The following SLC1A6 variants were observed in gnomAD, a reference collection of about 807,000 sequenced individuals.
The protein encoded by SLC1A6 is excitatory amino acid transporter 4.
In SLC1A6, 15 loss-of-function variants were observed where a neutral mutation model predicts 42.1. The observed-to-expected ratio is 0.36, with a 90% CI of 0.24 to 0.55. SLC1A6 has a LOEUF of 0.55. SLC1A6 is among the 20% of genes least tolerant of loss of function. The probability of loss-of-function intolerance (pLI) is 0.88; values close to 1 mark genes in which losing one functional copy is unlikely to be tolerated. For missense variants in SLC1A6, 542 were observed against 772.5 expected, an observed-to-expected ratio of 0.70 and a Z score of 3.54; for synonymous variants, 317 against 319.7, an observed-to-expected ratio of 0.99 and a Z score of 0.09.
chr19:14,977,133 G>A (rs1176961684), intron 1 of SLC1A6: 1 of 151,992 alleles, frequency 6.6e-6, no homozygotes. Flanking sequence ...GCCACAGCAG[G>A]AAGTTGCCTG....
chr19:14,952,362 C>T (rs1212269907), intron 9 of SLC1A6, among the ~76,000 whole-genome samples: 1 of 151,446 alleles, frequency 6.6e-6, no homozygotes, highest in Non-Finnish European at 1.5e-5. Context: ...TCCTGGCTAA[C>T]ATGGTGAAAC....
upstream of SLC1A6, among the ~76,000 whole-genome samples, chr19:14,980,654 C>CAAAAAAAAAAAAA (rs35361239): frequency 1.6e-5 from 2 of 125,406 alleles, no homozygotes; most frequent in Admixed American, 8.1e-5. Flanking sequence ...GAGACTCCGT[C>CAAAAAAAAAAAAA]AAAAAAAAAA....
intron 1 of SLC1A6, among the ~76,000 whole-genome samples, chr19:15,010,201 AGAAAGAAAAAAGAAAGAGAGAGAG>A (rs771671794): frequency 0.021 from 1,795 of 85,738 alleles, 45 homozygotes; most frequent in Admixed American, 0.1. Context: ...AAAAAAAGAA[AGAAAGAAAAAAGAAAGAGAGAGAG>A]AGAAAAGAAA....
intron 5 of SLC1A6, 22 bp downstream of exon 5, chr19:14,964,297 A>G: frequency 6.2e-7 from 1 of 1,610,330 alleles, no homozygotes; most frequent in Non-Finnish European, 8.5e-7. Flanking sequence ...CTCCTTGATC[A>G]AACTGTGTAC....
intron 9 of SLC1A6, among the ~76,000 whole-genome samples, chr19:14,950,874 C>T (rs539975172): frequency 6.6e-6 from 1 of 151,052 alleles, no homozygotes; most frequent in East Asian, 2.0e-4. Context: ...GAGCCCAGAA[C>T]GTCAAGGCTG....
chr19:14,992,971 A>G (rs1462046072), intron 1 of SLC1A6, among the ~76,000 whole-genome samples: 1 of 152,160 alleles, frequency 6.6e-6, no homozygotes, highest in Non-Finnish European at 1.5e-5. Flanking sequence ...AGAGTCATTA[A>G]AGGAGAGGGA....
chr19:14,961,973 C>T, intron 6 of SLC1A6, 29 bp downstream of exon 6: 4 of 1,577,412 alleles, frequency 2.5e-6, no homozygotes, highest in East Asian at 4.5e-5. Flanking sequence ...TCTGGCTCCA[C>T]CATCCCGTGG....
intron 8 of SLC1A6, 81 bp downstream of exon 8, chr19:14,954,054 T>C (rs2045437954): frequency 5.1e-6 from 5 of 978,282 alleles, no homozygotes; most frequent in Non-Finnish European, 7.7e-6. Context: ...TGAGGCCCCC[T>C]CCTCCCTCCC....
At chr19:14,973,983 C>T (rs1357215780) in intron 1 of SLC1A6, 1 of 152,264 alleles carries the variant, frequency 6.6e-6, no homozygotes, top group East Asian at 1.9e-4. Flanking sequence ...AGGCACTGTA[C>T]TGATGTTTCC....
rs549948309 is a variant in SLC1A6 at position 14,994,717 on chromosome 19, T to A, written c.6+15768A>T. 3.3e-5 allele frequency among the ~76,000 whole-genome samples: 5 copies of A among 152,338 alleles called. No homozygotes were observed. In the South Asian group the frequency reaches 1.0e-3, roughly 32 times the overall value. On this transcript the variant is annotated intron_variant, in intron 1 of 8. Transcript: ENST00000430939. ...CAAAGGGAAAAGTCAAGCTGGGAGC[T>A]GCTTAGGGCAAACCCCCTTGCCTTT...
At chr19:15,007,760 C>T (rs2045902713) in intron 1 of SLC1A6, among the ~76,000 whole-genome samples, 1 of 152,064 alleles carries the variant, frequency 6.6e-6, no homozygotes, top group South Asian at 2.1e-4. Context: ...CACGGTGGCT[C>T]ATACCTGTGG....
intron 3 of SLC1A6, among the ~76,000 whole-genome samples, chr19:14,970,406 T>C (rs574137538): frequency 3.0e-4 from 46 of 152,286 alleles, no homozygotes; most frequent in Non-Finnish European, 5.1e-4. Flanking sequence ...TCTAGCTTAC[T>C]GTACTTTAAG....
intron 1 of SLC1A6, among the ~76,000 whole-genome samples, chr19:14,996,588 C>CT (rs1555710449): frequency 6.6e-6 from 1 of 150,458 alleles, no homozygotes; most frequent in Non-Finnish European, 1.5e-5. Flanking sequence ...TCTTCTTCCT[C>CT]TCATTGTACC....
chr19:14,966,875 G>A (rs529852056), intron 4 of SLC1A6, among the ~76,000 whole-genome samples: 2 of 152,098 alleles, frequency 1.3e-5, no homozygotes, highest in South Asian at 2.1e-4. Context: ...GGGGCCTTTT[G>A]GGGGCTGTGG....
intron 4 of SLC1A6, among the ~76,000 whole-genome samples, chr19:14,965,618 G>C (rs2045565229): frequency 6.6e-6 from 1 of 152,196 alleles, no homozygotes; most frequent in Admixed American, 6.5e-5. Flanking sequence ...GGAAGGCTGA[G>C]ATGAGTGGAT....
chr19:15,006,419 A>G (rs2045895837), intron 1 of SLC1A6, among the ~76,000 whole-genome samples: 1 of 152,262 alleles, frequency 6.6e-6, no homozygotes, highest in South Asian at 2.1e-4. Context: ...TGCTAACCCC[A>G]TATTCCCAAG....
rs760023510 is a variant in SLC1A6, at chr19:15,007,537, T to C, written c.6+2948A>G. Among the ~76,000 whole-genome samples the C allele has an allele frequency of 5.6e-5, 8 of 141,600 alleles. 1 individual carries two copies. Among genetic ancestry groups the C allele is most frequent in the African/African-American group, 2.2e-4 (8 of 36,298 alleles). The allele number at this position is 141,600 out of a possible 152,430, so 92.9% of individuals were successfully genotyped here. On this transcript the variant is annotated intron_variant, in intron 1 of 8. Transcript: ENST00000430939. ...ACCTTAAAATCATTCATTGTATTTA[T>C]GAAAATTTCATCTCACAAAAAAAAA... is the stretch of plus-strand genomic sequence containing the variant.
At chr19:15,001,124 G>A (rs12975064) in intron 1 of SLC1A6, among the ~76,000 whole-genome samples, 14,837 of 152,176 alleles carry the variant, frequency 0.097, 886 homozygotes, top group East Asian at 0.2. Flanking sequence ...ATGTCACTCA[G>A]CGAACAAATA....
chr19:14,996,528 T>TTTCTTCTAC (rs1555710422), intron 1 of SLC1A6, among the ~76,000 whole-genome samples: 1 of 125,854 alleles, frequency 7.9e-6, no homozygotes, highest in East Asian at 2.2e-4. Flanking sequence ...CCTCCTCCTC[T>TTTCTTCTAC]TTCTTCTTCT....
Sources: allele counts gnomAD v4.1 joint callset (sites outside exome capture counted in the v4.1 genomes callset), GRCh38; gene constraint gnomAD v4.1.1; transcripts MANE v1.5; gene names NCBI Gene and HGNC (gene_info 2026-07-23, HGNC 2026-07-21).